PARN: variants seen among roughly 807,000 people sequenced by gnomAD.
PARN encodes poly(A)-specific ribonuclease PARN.
A neutral mutation model predicts 102.8 loss-of-function variants in PARN; 71 were observed. That is an observed-to-expected ratio of 0.69 (90% confidence interval 0.57 to 0.84). The LOEUF is 0.84. Among genes scored for constraint, PARN ranks in the 40% least tolerant of loss-of-function variants. The probability of loss-of-function intolerance (pLI) is 0.00; values close to 1 mark genes in which losing one functional copy is unlikely to be tolerated. For missense variants in PARN, 782 were observed against 760.9 expected (o/e 1.03, Z -0.33); for synonymous variants, 261 against 252.9 (o/e 1.03, Z -0.30).
chr16:14,627,974 C>T (rs1484317762), intron 3 of PARN, among the ~76,000 whole-genome samples, 198 bp downstream of exon 3: 4 of 152,138 alleles, frequency 2.6e-5, no homozygotes, highest in Admixed American at 2.0e-4. Context: ...CGCCACTGCA[C>T]CCCAGCCTGG....
intron 23 of PARN, among the ~76,000 whole-genome samples, chr16:14,444,984 T>C (rs918621400): frequency 8.7e-6 from 1 of 114,402 alleles, no homozygotes; most frequent in Non-Finnish European, 1.9e-5. Context: ...AATATTTAAA[T>C]TTTTTTTTTT....
chr16:14,583,383 T>G (rs564549385), intron 16 of PARN, among the ~76,000 whole-genome samples: 12 of 152,334 alleles, frequency 7.9e-5, no homozygotes, highest in African/African-American at 2.9e-4. Flanking sequence ...GTCAATACAA[T>G]GCTCTTTAAG....
intron 23 of PARN, among the ~76,000 whole-genome samples, chr16:14,439,893 T>C (rs1225889213): frequency 6.6e-6 from 1 of 152,114 alleles, no homozygotes; most frequent in Non-Finnish European, 1.5e-5. Flanking sequence ...CAGGCGCCTG[T>C]AATCCCAGCT....
At chr16:14,487,373 C>T (rs1256720787) in intron 21 of PARN, among the ~76,000 whole-genome samples, 2 of 152,176 alleles carry the variant, frequency 1.3e-5, no homozygotes, top group Admixed American at 1.3e-4. Flanking sequence ...TTATAAAATG[C>T]TTCCTGTATT....
chr16:14,463,223 A>G (rs985057136), intron 22 of PARN, among the ~76,000 whole-genome samples: 3 of 152,212 alleles, frequency 2.0e-5, no homozygotes, highest in African/African-American at 7.2e-5. Context: ...GCAAACTACA[A>G]AAGTAAGACC....
chr16:14,515,803 A>G (rs546377926), intron 21 of PARN, among the ~76,000 whole-genome samples: 9 of 151,848 alleles, frequency 5.9e-5, no homozygotes, highest in African/African-American at 1.9e-4. Flanking sequence ...AGCCAGGCAT[A>G]CTGGCGCACA....
chr16:14,586,468 G>A, intron 13 of PARN, 107 bp from the exon 14 acceptor site: 1 of 682,310 alleles, frequency 1.5e-6, no homozygotes. Flanking sequence ...ACAAGCTGTT[G>A]GGGCCCTTAA....
chr16:14,457,626 C>T (rs565033758), intron 22 of PARN, among the ~76,000 whole-genome samples: 9 of 151,644 alleles, frequency 5.9e-5, no homozygotes, highest in Admixed American at 3.9e-4. Context: ...GGTGAAACCT[C>T]GTCTCTACTA....
chr16:14,504,049 C>T (rs1248545174), intron 21 of PARN, among the ~76,000 whole-genome samples: 3 of 152,136 alleles, frequency 2.0e-5, no homozygotes, highest in African/African-American at 7.2e-5. Flanking sequence ...AGTGTTCTGT[C>T]TAAACGAGAA....
At chr16:14,557,899 A>T (rs1249288864) in intron 18 of PARN, among the ~76,000 whole-genome samples, 2 of 152,140 alleles carry the variant, frequency 1.3e-5, no homozygotes, top group Non-Finnish European at 2.9e-5. Context: ...TGTTTTCTTA[A>T]ATATTATTTT....
chr16:14,619,822 A>G (rs1183925917), intron 5 of PARN, among the ~76,000 whole-genome samples: 2 of 152,034 alleles, frequency 1.3e-5, no homozygotes, highest in East Asian at 3.9e-4. Flanking sequence ...CTGTAATCCC[A>G]GCACTTTCGG....
At chr16:14,581,037 T>A in intron 17 of PARN, 94 bp from the exon 18 acceptor site, 1 of 713,466 alleles carries the variant, frequency 1.4e-6, no homozygotes, top group Non-Finnish European at 2.5e-6. Context: ...AACAGCATGG[T>A]TCAACAAGTG....
chr16:14,620,736 T>TAGAA (rs1972243010), intron 5 of PARN, among the ~76,000 whole-genome samples: 1 of 152,204 alleles, frequency 6.6e-6, no homozygotes, highest in East Asian at 1.9e-4. Context: ...GAGGTCTCTA[T>TAGAA]TCTGGGGAAA....
intron 12 of PARN, among the ~76,000 whole-genome samples, chr16:14,594,554 A>G (rs1223665762): frequency 6.6e-6 from 1 of 152,160 alleles, no homozygotes; most frequent in African/African-American, 2.4e-5. Context: ...GTATCTACTA[A>G]AAACACAAAA....
At chr16:14,555,786 T>C (rs1336348858) in intron 18 of PARN, 77 bp from the exon 19 acceptor site, 3 of 666,250 alleles carry the variant, frequency 4.5e-6, no homozygotes, top group African/African-American at 3.8e-5. Context: ...AAGGTTGAAT[T>C]AGAAAAAAAA....
At chr16:14,570,568 T>C (rs1356703426) in intron 18 of PARN, among the ~76,000 whole-genome samples, 1 of 149,238 alleles carries the variant, frequency 6.7e-6, no homozygotes, top group African/African-American at 2.5e-5. Context: ...GAGGATCCCT[T>C]GAACCTGGGA....
chr16:14,557,111 T>C (rs1166638473), intron 18 of PARN, among the ~76,000 whole-genome samples: 1 of 152,208 alleles, frequency 6.6e-6, no homozygotes, highest in African/African-American at 2.4e-5. Flanking sequence ...GTGTGTAAGA[T>C]TATTTTAATG....
intron 5 of PARN, among the ~76,000 whole-genome samples, chr16:14,623,277 A>G (rs1360999999): frequency 6.6e-6 from 1 of 152,124 alleles, no homozygotes; most frequent in African/African-American, 2.4e-5. Context: ...GCACTTTGGG[A>G]GGCCGAGGTG....
intron 21 of PARN, among the ~76,000 whole-genome samples, chr16:14,503,082 G>C (rs988688564): frequency 6.6e-6 from 1 of 152,012 alleles, no homozygotes. Context: ...ACCCCGCTGC[G>C]CCCCTGAGTG....
Sources: gnomAD v4.1 joint callset for allele counts (sites outside exome capture counted in the v4.1 genomes callset) on GRCh38, gnomAD v4.1.1 for gene constraint, MANE v1.5 for transcripts, NCBI Gene and HGNC (gene_info 2026-07-23, HGNC 2026-07-21) for gene names.